The following OTX2 variants were observed in gnomAD, a reference collection of about 807,000 sequenced individuals.
OTX2 encodes the protein orthodenticle homeobox 2.
OTX2 carries 4 observed loss-of-function variants against 29.0 expected under a neutral mutation model. That is an observed-to-expected ratio of 0.14 (90% CI 0.07 to 0.32). The LOEUF is 0.32. Among genes scored for constraint, OTX2 ranks in the 10% least tolerant of loss-of-function variants. The pLI is 1.00. For synonymous variants in OTX2, 134 were observed against 141.0 expected (o/e 0.95, Z 0.35); for missense variants, 298 against 365.9 (o/e 0.81, Z 1.51).
intron 2 of OTX2, among the ~76,000 whole-genome samples, chr14:56,808,891 C>A (rs1462378102): frequency 6.6e-6 from 1 of 152,226 alleles, no homozygotes; most frequent in Admixed American, 6.5e-5. Flanking sequence ...CGAAATCGGG[C>A]ATCGATTTCA....
chr14:56,807,576 T>G (rs989496649), intron 2 of OTX2, among the ~76,000 whole-genome samples: 10 of 152,154 alleles, frequency 6.6e-5, no homozygotes, highest in Non-Finnish European at 1.3e-4. Flanking sequence ...CCGAGATCCT[T>G]CCAGGGGCTC....
intron 2 of OTX2, among the ~76,000 whole-genome samples, chr14:56,809,273 G>C (rs1293825263): frequency 6.6e-6 from 1 of 152,214 alleles, no homozygotes; most frequent in East Asian, 1.9e-4. Flanking sequence ...CGTGGGGCGG[G>C]CCGCGACCCG....
At chr14:56,808,668 C>G (rs776024708) in intron 2 of OTX2, among the ~76,000 whole-genome samples, 3 of 152,124 alleles carry the variant, frequency 2.0e-5, no homozygotes, top group Non-Finnish European at 4.4e-5. Context: ...TAAAAAGTCC[C>G]GAGCTGAGCA....
At position 56,805,377 on chromosome 14, in the gene OTX2, G is replaced by A. The variant is rs1892047693; in HGVS notation, c.80C>T (p.Pro27Leu). ...LTTSGMDLLH[P>L]SVGYPGPWAS... ...TCACTTACCCGGGTAGCCCACGGAG[G>A]GGTGCAGCAAGTCCATACCCGAAGT... is the stretch of plus-strand genomic sequence containing the variant. Residue 27 changes from proline to leucine, a missense_variant, in exon 3 of 5, where the codon CCC becomes CTC. Pro to Leu is a moderately conservative substitution (Grantham distance 98). This residue lies in a region of OTX2 where 50 missense variants were observed against 57.6 expected (regional missense o/e 0.87). Coordinates refer to ENST00000672264, the MANE Select transcript of OTX2 (RefSeq NM_021728.4). 1.9e-6 allele frequency: 3 copies of A among 1,612,954 alleles called. No individual in the cohort carries two copies. The highest frequency in any genetic ancestry group is 2.5e-6 in the Non-Finnish European group (3 of 1,178,952).
chr14:56,808,770 G>C (rs1386712676), intron 2 of OTX2, among the ~76,000 whole-genome samples: 1 of 152,174 alleles, frequency 6.6e-6, no homozygotes, highest in Non-Finnish European at 1.5e-5. Flanking sequence ...ACCACCGCAG[G>C]GTCGGCGCCG....
At chr14:56,805,157 C>T (rs1239489706) in intron 3 of OTX2, among the ~76,000 whole-genome samples, 1 of 152,238 alleles carries the variant, frequency 6.6e-6, no homozygotes, top group African/African-American at 2.4e-5. Context: ...CACCTACTCA[C>T]TTTTCCCAAC....
intron 2 of OTX2, 106 bp from the exon 3 acceptor site, chr14:56,805,681 G>C (rs1299899715): frequency 5.5e-6 from 3 of 544,998 alleles, no homozygotes; most frequent in Non-Finnish European, 1.0e-5. Flanking sequence ...GACTAGGCGA[G>C]GCAGAGGCTT....
chr14:56,809,190 C>A (rs974855214), intron 2 of OTX2, among the ~76,000 whole-genome samples: 1 of 152,140 alleles, frequency 6.6e-6, no homozygotes, highest in Non-Finnish European at 1.5e-5. Flanking sequence ...GTCCCTGGCC[C>A]GGCCGCGGCC....
Position 56,804,042 on chromosome 14 carries a change from G to A in OTX2, c.273+146C>T. 1 of 963,848 alleles carries A rather than the reference G, an allele frequency of 1.0e-6. No homozygotes were observed. 59.7% of individuals were successfully genotyped at this position (963,848 alleles called of 1,614,324 possible). Reference sequence around the variant, plus strand: ...GACGGGCAGGCAAAAAAGGGCAGAAGGAGAATAGTTTCCTGGCCCCTTAGT... The same window carrying A: ...GACGGGCAGGCAAAAAAGGGCAGAAAGAGAATAGTTTCCTGGCCCCTTAGT... On this transcript the variant is annotated intron_variant, in intron 4 of 4. Coordinates refer to ENST00000672264, the MANE Select transcript of OTX2 (RefSeq NM_021728.4). The surrounding 1 kb of genome is among the most constrained non-coding windows in gnomAD (Gnocchi z 4.1).
At position 56,801,857 on chromosome 14, in the gene OTX2, A is replaced by C; in HGVS notation, c.772T>G (p.Phe258Val). The C allele has an allele frequency of 6.2e-7, 1 of 1,614,204 alleles. No individual in the cohort carries two copies. Among genetic ancestry groups the C allele is most frequent in the Non-Finnish European group, 8.5e-7 (1 of 1,180,044 alleles). The change falls in exon 5 of 5, where the codon TTT (phenylalanine) becomes GTT (valine). Residue 258 changes from phenylalanine to valine, a missense_variant. By Grantham distance (50) the Phe-to-Val change is conservative. Coordinates refer to ENST00000672264, the MANE Select transcript of OTX2 (RefSeq NM_021728.4). This position sits in a 1 kb window ranked among gnomAD's most constrained non-coding sequence, Gnocchi z 4.2. ...TCCAAGCAATCAGTGGTTGAGTTAAAACCCAAGCTTGAAGCTCCATATCCC... is the reference window on the plus strand; with the variant it reads ...TCCAAGCAATCAGTGGTTGAGTTAACACCCAAGCTTGAAGCTCCATATCCC... ...TQGYGASSLGFNSTTDCLDYK... is the reference protein window; with the variant it reads ...TQGYGASSLGVNSTTDCLDYK...
intron 2 of OTX2, among the ~76,000 whole-genome samples, chr14:56,809,149 G>C (rs983708466): frequency 6.6e-6 from 1 of 152,174 alleles, no homozygotes; most frequent in African/African-American, 2.4e-5. Flanking sequence ...GAGAACAGCT[G>C]AGGGGCCGCG....
In OTX2 at chr14:56,805,547, C is replaced by T; in HGVS notation, c.-91G>A. On this transcript the variant is annotated 5_prime_UTR_variant, in exon 3 of 5. Transcript: ENST00000672264. Reference sequence around the variant, plus strand: ...CGCCCGGGGTGGACAGGTTCAGAGTCCTTGGTGGGTGGGTTTGGAGCAGTG... The same window carrying T: ...CGCCCGGGGTGGACAGGTTCAGAGTTCTTGGTGGGTGGGTTTGGAGCAGTG... 1 of 789,798 alleles carries T rather than the reference C, an allele frequency of 1.3e-6. No individual in the cohort carries two copies. The highest frequency in any genetic ancestry group is 2.2e-6 in the Non-Finnish European group (1 of 451,620). 48.9% of individuals were successfully genotyped at this position (789,798 alleles called of 1,614,324 possible).
At chr14:56,809,592 G>A (rs909296192) in intron 2 of OTX2, among the ~76,000 whole-genome samples, 1 of 152,174 alleles carries the variant, frequency 6.6e-6, no homozygotes, top group Non-Finnish European at 1.5e-5. Context: ...TTCAACAGGG[G>A]CCGACAGGGG....
chr14:56,802,156 G>C lies in OTX2; in HGVS notation c.473C>G (p.Ser158Cys). ...PTIASSSAPV[S>C]IWSPASISPL... ...GGAGATGGAAGCTGGGCTCCAGATA[G>C]ACACAGGAGCACTGCTGCTGGCAAT... Residue 158 changes from serine (S) to cysteine (C), a missense_variant, in exon 5 of 5, where the codon TCT (serine) becomes TGT (cysteine). Physicochemically the swap from Ser to Cys is moderately radical, Grantham distance 112. This residue lies in a region of OTX2 where 219 missense variants were observed against 223.5 expected (regional missense o/e 0.98). Transcript: ENST00000672264. The surrounding 1 kb of genome is among the most constrained non-coding windows in gnomAD (Gnocchi z 4.4). 4 of 1,614,120 alleles carry C rather than the reference G, an allele frequency of 2.5e-6. No homozygotes were observed. Among genetic ancestry groups the C allele is most frequent in the Non-Finnish European group, 3.4e-6 (4 of 1,179,954 alleles).
intron 2 of OTX2, among the ~76,000 whole-genome samples, chr14:56,809,591 G>C (rs1318628369): frequency 6.6e-6 from 1 of 152,190 alleles, no homozygotes; most frequent in Non-Finnish European, 1.5e-5. Context: ...GTTCAACAGG[G>C]GCCGACAGGG....
At position 56,801,154 on chromosome 14, in the gene OTX2, T is replaced by C. The variant is rs1319424226; in HGVS notation, c.*581A>G. On this transcript the variant is annotated 3_prime_UTR_variant, in exon 5 of 5. Coordinates refer to ENST00000672264, the MANE Select transcript of OTX2 (RefSeq NM_021728.4). This position sits in a 1 kb window ranked among gnomAD's most constrained non-coding sequence, Gnocchi z 4.2. ...CAGATTAAAAACCACAGATGTACCA[T>C]TTATAAGACACACACTGATTGTCTC... The C allele has an allele frequency of 5.9e-6, 1 of 168,964 alleles. No individual in the cohort carries two copies. Among genetic ancestry groups the C allele is most frequent in the Non-Finnish European group, 1.3e-5 (1 of 76,632 alleles). 10.5% of individuals were successfully genotyped at this position (168,964 alleles called of 1,614,324 possible).
rs767204898 is a variant in OTX2 at position 56,804,534 on chromosome 14, C to G, written c.98-171G>C. Among the ~76,000 whole-genome samples the G allele has an allele frequency of 3.3e-5, 5 of 152,104 alleles. No homozygotes were observed. Among genetic ancestry groups the G allele is most frequent in the African/African-American group, 4.8e-5 (2 of 41,424 alleles). On this transcript the variant is annotated intron_variant, in intron 3 of 4. Coordinates refer to ENST00000672264, the MANE Select transcript of OTX2 (RefSeq NM_021728.4). The surrounding 1 kb of genome is among the most constrained non-coding windows in gnomAD (Gnocchi z 4.1). Reference sequence around the variant, plus strand: ...TTGCTCCCCGGGGACCCAGGACACACGCTGCTTCTTTCCCTACTCTTCTTG... The same window carrying G: ...TTGCTCCCCGGGGACCCAGGACACAGGCTGCTTCTTTCCCTACTCTTCTTG...
rs537642936 is a variant in OTX2 at position 56,807,970 on chromosome 14, G to GGCAGCCCC, written c.-120+2181_-120+2188dup. Among the ~76,000 whole-genome samples the GGCAGCCCC allele has an allele frequency of 4.4e-3, 671 of 151,110 alleles. 4 individuals carry two copies. Among genetic ancestry groups the GGCAGCCCC allele is most frequent in the Middle Eastern group, 0.024 (7 of 290 alleles). ...GTGCCTGGGTCCCGCGTTCCTGCCC[G>GGCAGCCCC]GCAGCCCCGCAGCCCCGCAGCCCCG... On this transcript the variant is annotated intron_variant, in intron 2 of 4. Transcript: ENST00000672264.
At position 56,802,355 on chromosome 14, in the gene OTX2, C is replaced by T. The variant is rs1397190102; in HGVS notation, c.274G>A (p.Val92Ile). Residue 92 changes from valine to isoleucine, a missense_variant and splice_region_variant, in exon 5 of 5, where the codon GTA becomes ATA. By Grantham distance (29) the Val-to-Ile change is conservative. Coordinates refer to ENST00000672264, the MANE Select transcript of OTX2 (RefSeq NM_021728.4). This position sits in a 1 kb window ranked among gnomAD's most constrained non-coding sequence, Gnocchi z 4.4. ...KINLPESRVQ[V>I]WFKNRRAKCR... The stretch of plus-strand genomic sequence containing the variant: ...TTAGCTCTTCGATTCTTAAACCATA[C>T]CTTGGAAGGGAAAGAAAATTCTTTA... The T allele has an allele frequency of 6.2e-7, 1 of 1,614,074 alleles. No individual in the cohort carries two copies. Among genetic ancestry groups the T allele is most frequent in the African/African-American group, 1.3e-5 (1 of 75,024 alleles).
Sources: gnomAD v4.1 joint callset for allele counts (sites outside exome capture counted in the v4.1 genomes callset) on GRCh38, gnomAD v4.1.1 for gene constraint, gnomAD v4.1.1 regional missense constraint, Gnocchi (gnomAD v3.1) non-coding constraint, MANE v1.5 for transcripts, NCBI Gene and HGNC (gene_info 2026-07-23, HGNC 2026-07-21) for gene names.